The following INPP4B variants were observed in gnomAD, a reference collection of about 807,000 sequenced individuals.
The protein encoded by INPP4B is inositol polyphosphate-4-phosphatase type II B, also known as inositol polyphosphate 4-phosphatase type II.
In INPP4B, 55 loss-of-function variants were observed where a neutral mutation model predicts 122.5. The ratio of observed to expected loss-of-function variants is 0.45; its 90% CI spans 0.36 to 0.56. The LOEUF is 0.56. Ranked by LOEUF, INPP4B falls within the 20% of genes least tolerant of loss-of-function variation. The probability of loss-of-function intolerance (pLI) is 0.00; values close to 1 mark genes in which losing one functional copy is unlikely to be tolerated. For synonymous variants in INPP4B, 403 were observed against 388.7 expected (o/e 1.04, Z -0.43); for missense variants, 1,000 against 1,097.7 (o/e 0.91, Z 1.26).
intron 24 of INPP4B, among the ~76,000 whole-genome samples, chr4:142,085,831 T>C (rs1553966445): frequency 1.4e-4 from 21 of 152,220 alleles, no homozygotes; most frequent in Non-Finnish European, 4.4e-5. Flanking sequence ...AAATCCTGGG[T>C]GATACGGGCA....
At chr4:142,211,004 C>G (rs995373181) in intron 12 of INPP4B, among the ~76,000 whole-genome samples, 11 of 152,142 alleles carry the variant, frequency 7.2e-5, no homozygotes, top group African/African-American at 2.7e-4. Context: ...ATGTATTGCA[C>G]TCTTCCATTA....
In INPP4B at chr4:142,028,850, G is replaced by C; in HGVS notation, c.2707C>G (p.Leu903Val). The change falls in exon 26 of 26, where the codon CTA becomes GTA. Residue 903 changes from leucine (L) to valine (V), a missense_variant. Physicochemically the swap from Leu to Val is conservative, Grantham distance 32. Transcript: ENST00000262992. ...TACTTGGGGAAAGCCATCAGCTGTA[G>C]CATGTTGAAAGCATACTTTCTGCAT... ...IKCRKYAFNM[L>V]QLMAFPKYYR... The C allele has an allele frequency of 6.2e-7, 1 of 1,613,596 alleles. No individual in the cohort carries two copies.
chr4:142,418,201 A>T lies in INPP4B; in HGVS notation c.136+10972T>A, dbSNP rs561942353. On this transcript the variant is annotated intron_variant, in intron 5 of 25. Coordinates refer to ENST00000262992, the MANE Select transcript of INPP4B (RefSeq NM_001101669.3). ...AAATATAATATATTCATTTGCAAAC[A>T]ATGAAATTTTAAAGGTTAAATATTC... Among the ~76,000 whole-genome samples, 9 of 152,278 alleles carry T rather than the reference A, an allele frequency of 5.9e-5. No individual in the cohort carries two copies. In the South Asian group the frequency reaches 1.7e-3, roughly 28 times the overall value.
intron 11 of INPP4B, among the ~76,000 whole-genome samples, chr4:142,243,425 C>A (rs1162235032): frequency 6.6e-6 from 1 of 152,120 alleles, no homozygotes; most frequent in Non-Finnish European, 1.5e-5. Flanking sequence ...ATGGAAATTT[C>A]AATAGAGCAA....
rs148935527 is a variant in INPP4B at position 142,351,378 on chromosome 4, C to A, written c.373-36616G>T. Among the ~76,000 whole-genome samples the A allele has an allele frequency of 5.3e-3, 806 of 152,130 alleles. 12 individuals are homozygous for A. Among genetic ancestry groups the A allele is most frequent in the African/African-American group, 0.018 (727 of 41,520 alleles). ...TTTACCCTTTCATTGATTTTATTAA[C>A]AACAATCTTATATCTAGTTAACAGT... is the stretch of plus-strand genomic sequence containing the variant. On this transcript the variant is annotated intron_variant, in intron 7 of 25. Transcript: ENST00000262992.
intron 2 of INPP4B, among the ~76,000 whole-genome samples, chr4:142,709,314 A>G (rs1762833660): frequency 6.6e-6 from 1 of 152,172 alleles, no homozygotes; most frequent in South Asian, 2.1e-4. Context: ...AAATGAGTTA[A>G]GGCTTTGGGG....
chr4:142,548,479 T>C (rs1327863263), intron 2 of INPP4B, among the ~76,000 whole-genome samples: 1 of 152,184 alleles, frequency 6.6e-6, no homozygotes, highest in African/African-American at 2.4e-5. Flanking sequence ...GCTCTTGTCG[T>C]ATAGAGGGAA....
chr4:142,202,657 T>C (rs1841142218), intron 14 of INPP4B: 1 of 781,958 alleles, frequency 1.3e-6, no homozygotes, highest in Non-Finnish European at 1.6e-6. Context: ...AAATTTTGGC[T>C]ACTGTTGGAC....
intron 2 of INPP4B, among the ~76,000 whole-genome samples, chr4:142,580,507 T>C (rs1734842274): frequency 1.3e-5 from 2 of 152,040 alleles, no homozygotes; most frequent in Admixed American, 1.3e-4. Context: ...TTGAGAGAAC[T>C]GAGAATTAAA....
chr4:142,460,395 A>T (rs1666967751), intron 3 of INPP4B, among the ~76,000 whole-genome samples: 1 of 152,150 alleles, frequency 6.6e-6, no homozygotes, highest in South Asian at 2.1e-4. Context: ...GAAACAGTAA[A>T]GTTCAATTTG....
chr4:142,260,586 A>G, intron 10 of INPP4B, 22 bp from the exon 11 acceptor site: 2 of 1,473,350 alleles, frequency 1.4e-6, no homozygotes, highest in Non-Finnish European at 1.8e-6. Flanking sequence ...TGTAAAAAAA[A>G]AAAAAAAATT....
At chr4:142,139,530 C>T (rs1391787972) in intron 18 of INPP4B, among the ~76,000 whole-genome samples, 1 of 152,166 alleles carries the variant, frequency 6.6e-6, no homozygotes, top group Non-Finnish European at 1.5e-5. Flanking sequence ...TGGTCTTGAA[C>T]TCCTGATCTC....
At chr4:142,702,031 C>A (rs1761847501) in intron 2 of INPP4B, among the ~76,000 whole-genome samples, 1 of 152,196 alleles carries the variant, frequency 6.6e-6, no homozygotes, top group Admixed American at 6.5e-5. Context: ...CCCACTCACA[C>A]TGAAGCTTAG....
At chr4:142,427,794 T>G (rs943465882) in intron 5 of INPP4B, among the ~76,000 whole-genome samples, 12 of 152,026 alleles carry the variant, frequency 7.9e-5, no homozygotes, top group African/African-American at 2.9e-4. Flanking sequence ...AAAAGTGAGT[T>G]TCTTCTCTTA....
At chr4:142,222,841 T>G (rs935842886) in intron 12 of INPP4B, among the ~76,000 whole-genome samples, 8 of 152,122 alleles carry the variant, frequency 5.3e-5, no homozygotes, top group Non-Finnish European at 8.8e-5. Flanking sequence ...CTAAAATAAA[T>G]CACAGACTCA....
chr4:142,423,205 T>TTTTATATG (rs1410350507), intron 5 of INPP4B, among the ~76,000 whole-genome samples: 5 of 152,090 alleles, frequency 3.3e-5, no homozygotes, highest in Non-Finnish European at 5.9e-5. Context: ...TGATTTTTCC[T>TTTTATATG]TTTAGAAAAA....
intron 1 of INPP4B, among the ~76,000 whole-genome samples, chr4:142,735,712 G>T (rs1199638011): frequency 1.3e-5 from 2 of 152,006 alleles, no homozygotes; most frequent in Non-Finnish European, 2.9e-5. Flanking sequence ...CTGTCTCTAT[G>T]TCTTATTATT....
At chr4:142,253,871 C>A (rs1396190894) in intron 11 of INPP4B, among the ~76,000 whole-genome samples, 4 of 152,142 alleles carry the variant, frequency 2.6e-5, no homozygotes, top group Non-Finnish European at 5.9e-5. Flanking sequence ...AGGAGGCCTG[C>A]CTGCCTCTGT....
At chr4:142,158,194 C>T (rs889875394) in intron 17 of INPP4B, among the ~76,000 whole-genome samples, 1 of 152,050 alleles carries the variant, frequency 6.6e-6, no homozygotes, top group African/African-American at 2.4e-5. Context: ...CTATTATGCT[C>T]CATCTAAAAG....
Sources: gnomAD v4.1 joint callset for allele counts (sites outside exome capture counted in the v4.1 genomes callset) on GRCh38, gnomAD v4.1.1 for gene constraint, MANE v1.5 for transcripts, NCBI Gene and HGNC (gene_info 2026-07-23, HGNC 2026-07-21) for gene names.